RPA1: variants seen among roughly 807,000 people sequenced by gnomAD.
RPA1 encodes the protein replication protein A1.
Under a neutral mutation model 83.0 loss-of-function variants are expected in RPA1, and 49 were observed. That is an observed-to-expected ratio of 0.59 (90% CI 0.47 to 0.75). The LOEUF (loss-of-function observed/expected upper bound fraction) is 0.75. RPA1 is among the 30% of genes least tolerant of loss of function. The pLI, the probability that RPA1 is intolerant of heterozygous loss-of-function variation, is 0.00. For synonymous variants in RPA1, 279 were observed against 281.8 expected, an observed-to-expected ratio of 0.99 and a Z score of 0.10; for missense variants, 693 against 776.1, an observed-to-expected ratio of 0.89 and a Z score of 1.27.
chr17:1,831,747 C>T (rs746672512), intron 1 of RPA1, among the ~76,000 whole-genome samples: 3 of 149,956 alleles, frequency 2.0e-5, no homozygotes, highest in African/African-American at 7.4e-5. Context: ...TACAGGTACC[C>T]GCCACCACGC....
chr17:1,861,166 G>A (rs1325745776), intron 5 of RPA1, among the ~76,000 whole-genome samples: 1 of 152,118 alleles, frequency 6.6e-6, no homozygotes, highest in Admixed American at 6.5e-5. Context: ...TGACTACCCA[G>A]GAAACCTGCC....
intron 1 of RPA1, among the ~76,000 whole-genome samples, chr17:1,838,941 C>T (rs1911933465): frequency 6.6e-6 from 1 of 152,078 alleles, no homozygotes; most frequent in Admixed American, 6.6e-5. Context: ...AGCTCCACCT[C>T]CCGGATTCAC....
In RPA1 at chr17:1,872,492, C is replaced by T; in HGVS notation, c.420C>T (p.Ser140=). Residue 140 remains serine, a synonymous_variant, in exon 6 of 17, where the codon AGC becomes AGT. Transcript: ENST00000254719. ...PAPAASPAAS[S]RPQPQNGSSG... Reference sequence around the variant, plus strand: ...CAGCAGCCAGCCCAGCAGCAAGCAGCAGGCCCCAGCCGCAGAATGGAAGCT... The same window carrying T: ...CAGCAGCCAGCCCAGCAGCAAGCAGTAGGCCCCAGCCGCAGAATGGAAGCT... 6.2e-7 allele frequency: 1 copy of T among 1,614,010 alleles called. No homozygotes were observed. Among genetic ancestry groups the T allele is most frequent in the South Asian group, 1.1e-5 (1 of 91,062 alleles).
chr17:1,890,836 G>T (rs536148134), intron 14 of RPA1, among the ~76,000 whole-genome samples: 1 of 152,106 alleles, frequency 6.6e-6, no homozygotes, highest in South Asian at 2.1e-4. Context: ...ACTCCACAGC[G>T]CAATCTCCCG....
intron 5 of RPA1, among the ~76,000 whole-genome samples, chr17:1,870,628 C>T (rs946751836): frequency 1.3e-5 from 2 of 152,202 alleles, no homozygotes; most frequent in Non-Finnish European, 2.9e-5. Context: ...TACTCCATTC[C>T]CCACTCCCGC....
intron 4 of RPA1, among the ~76,000 whole-genome samples, chr17:1,851,576 C>CTGA (rs1162952586): frequency 2.6e-5 from 4 of 152,054 alleles, no homozygotes; most frequent in Non-Finnish European, 4.4e-5. Flanking sequence ...GTTCATCTTG[C>CTGA]TGATATTTTA....
intron 12 of RPA1, among the ~76,000 whole-genome samples, chr17:1,883,165 T>C (rs1030307154): frequency 6.6e-6 from 1 of 151,978 alleles, no homozygotes; most frequent in African/African-American, 2.4e-5. Flanking sequence ...TTAAAAAAAT[T>C]TTTTTTTCGA....
At chr17:1,837,427 A>G (rs948744631) in intron 1 of RPA1, among the ~76,000 whole-genome samples, 1 of 152,218 alleles carries the variant, frequency 6.6e-6, no homozygotes, top group African/African-American at 2.4e-5. Context: ...TGAAGATGCT[A>G]TGACCATTTA....
Position 1,877,198 on chromosome 17 carries a change from G to A in RPA1, c.588-14G>A, listed in dbSNP as rs111514401. On this transcript the variant is annotated splice_polypyrimidine_tract_variant and intron_variant, in intron 7 of 16. Coordinates refer to ENST00000254719, the MANE Select transcript of RPA1 (RefSeq NM_002945.5). ...GAAGACCCCATACACTAATATGATC[G>A]ATTTGGTTTGTAGGTGGACCATTTG... 6.2e-6 allele frequency: 10 copies of A among 1,612,308 alleles called. No homozygotes were observed. In the East Asian group the frequency reaches 1.1e-4, roughly 18 times the overall value.
At chr17:1,882,221 G>A (rs1433858239) in intron 12 of RPA1, among the ~76,000 whole-genome samples, 3 of 152,080 alleles carry the variant, frequency 2.0e-5, no homozygotes, top group Non-Finnish European at 4.4e-5. Context: ...ATCAATTGAT[G>A]TGTGATCAAG....
At chr17:1,856,250 C>T (rs1287900422) in intron 5 of RPA1, among the ~76,000 whole-genome samples, 1 of 151,648 alleles carries the variant, frequency 6.6e-6, no homozygotes, top group African/African-American at 2.4e-5. Context: ...TTGCAGTAAG[C>T]CGAGATGGCA....
At chr17:1,877,459 C>T in intron 8 of RPA1, 145 bp downstream of exon 8, 2 of 673,518 alleles carry the variant, frequency 3.0e-6, no homozygotes, top group South Asian at 1.7e-5. Flanking sequence ...ACAGAAGGCT[C>T]AGCTCTGCGG....
At position 1,899,486 on chromosome 17, in the gene RPA1, G is replaced by C. The variant is rs148670458; in HGVS notation, c.*2311G>C. The C allele has an allele frequency of 5.3e-4, 81 of 152,264 alleles. No homozygotes were observed. The highest frequency in any genetic ancestry group is 1.9e-3 in the African/African-American group (79 of 41,540). 9.4% of individuals were successfully genotyped at this position (152,264 alleles called of 1,614,324 possible). A position where few individuals can be genotyped will look rare whatever the true frequency, so the allele number is the denominator to read the frequency against. On this transcript the variant is annotated 3_prime_UTR_variant, in exon 17 of 17. Coordinates refer to ENST00000254719, the MANE Select transcript of RPA1 (RefSeq NM_002945.5). ...GAAAGGGGCAGGGAAAAAAATAAAA[G>C]GGTAATAATCTGATTTCTGTCCATA...
intron 6 of RPA1, among the ~76,000 whole-genome samples, chr17:1,873,633 C>T (rs879268916): frequency 6.6e-6 from 1 of 152,050 alleles, no homozygotes; most frequent in African/African-American, 2.4e-5. Context: ...CGCTCTTGCA[C>T]GTTCTCTCTC....
Position 1,879,390 on chromosome 17 carries a change from C to T in RPA1, c.935C>T (p.Ser312Leu), listed in dbSNP as rs1422331116. 21 of 1,613,990 alleles carry T rather than the reference C, an allele frequency of 1.3e-5. No individual in the cohort carries two copies. Among genetic ancestry groups the T allele is most frequent in the East Asian group, 4.5e-5 (2 of 44,882 alleles). ...FTGIDDLENKSKDSLVDIIGI... is the reference protein window; with the variant it reads ...FTGIDDLENKLKDSLVDIIGI... ...GGGATTGATGACCTCGAGAACAAGTCGAAAGACTCACTTGTAGGTAAGCTC... is the reference window on the plus strand; with the variant it reads ...GGGATTGATGACCTCGAGAACAAGTTGAAAGACTCACTTGTAGGTAAGCTC... The change falls in exon 10 of 17, where the codon TCG becomes TTG. Residue 312 changes from serine to leucine, a missense_variant. By Grantham distance (145) the Ser-to-Leu change is moderately radical. Transcript: ENST00000254719.
intron 5 of RPA1, among the ~76,000 whole-genome samples, chr17:1,868,761 C>T (rs1042522509): frequency 6.6e-6 from 1 of 152,040 alleles, no homozygotes; most frequent in Non-Finnish European, 1.5e-5. Flanking sequence ...AAGAAATTGT[C>T]TGATATTTAT....
chr17:1,889,952 A>G (rs1268876787), intron 14 of RPA1, among the ~76,000 whole-genome samples: 2 of 151,748 alleles, frequency 1.3e-5, no homozygotes, highest in Non-Finnish European at 2.9e-5. Context: ...GTGAGCCGAG[A>G]TCACACCACT....
chr17:1,880,424 G>C, intron 11 of RPA1, 119 bp from the exon 12 acceptor site: 1 of 1,030,170 alleles, frequency 9.7e-7, no homozygotes, highest in South Asian at 1.5e-5. Flanking sequence ...GTCTTGTATG[G>C]ATTCCATGTA....
chr17:1,872,411 G>A (rs763770908), intron 5 of RPA1, 23 bp from the exon 6 acceptor site: 10 of 1,611,992 alleles, frequency 6.2e-6, no homozygotes, highest in African/African-American at 2.7e-5. Flanking sequence ...GCACTAAAAC[G>A]GGGTTTCCCT....
Sources: allele counts gnomAD v4.1 joint callset (sites outside exome capture counted in the v4.1 genomes callset), GRCh38; gene constraint gnomAD v4.1.1; transcripts MANE v1.5; gene names NCBI Gene and HGNC (gene_info 2026-07-23, HGNC 2026-07-21).